Variants in APP observed in about 807,000 individuals in gnomAD.
APP encodes amyloid-beta precursor protein.
APP carries 31 observed loss-of-function variants against 101.4 expected under a neutral mutation model. The ratio of observed to expected loss-of-function variants is 0.31; its 90% CI spans 0.23 to 0.41. The LOEUF is 0.41. Ranked by LOEUF, APP falls within the 10% of genes least tolerant of loss-of-function variation. The pLI is 1.00. For synonymous variants in APP, 366 were observed against 364.4 expected (o/e 1.00, Z -0.05); for missense variants, 839 against 1,003.7 (o/e 0.84, Z 2.22).
chr21:25,898,958 AAG>A (rs1343271156), intron 15 of APP, among the ~76,000 whole-genome samples: 2 of 152,232 alleles, frequency 1.3e-5, no homozygotes, highest in Non-Finnish European at 2.9e-5. Context: ...GTGCCAGTCT[AAG>A]AGCACAGCCT....
intron 13 of APP, among the ~76,000 whole-genome samples, chr21:25,937,062 T>C (rs1207157083): frequency 1.3e-5 from 2 of 151,734 alleles, no homozygotes; most frequent in African/African-American, 2.4e-5. Flanking sequence ...GAAAAAGCTT[T>C]TCTTTTTCTT....
At chr21:26,140,682 C>A (rs1418694809) in intron 1 of APP, among the ~76,000 whole-genome samples, 3 of 152,168 alleles carry the variant, frequency 2.0e-5, no homozygotes, top group Non-Finnish European at 4.4e-5. Context: ...ACTTGTTAGG[C>A]AAGAAGATAA....
At chr21:26,122,961 T>C (rs1052477832) in intron 1 of APP, among the ~76,000 whole-genome samples, 10 of 152,240 alleles carry the variant, frequency 6.6e-5, no homozygotes, top group Admixed American at 2.0e-4. Flanking sequence ...TTCACATGGA[T>C]GTAAAGATAG....
intron 15 of APP, among the ~76,000 whole-genome samples, chr21:25,898,265 T>C (rs1455181306): frequency 3.3e-5 from 5 of 152,208 alleles, no homozygotes; most frequent in Admixed American, 6.5e-5. Flanking sequence ...TAAAGAGCTA[T>C]AGTACATAAT....
chr21:26,046,637 A>G lies in APP; in HGVS notation c.662+4363T>C, dbSNP rs117308630. On this transcript the variant is annotated intron_variant, in intron 5 of 17. Coordinates refer to ENST00000346798, the MANE Select transcript of APP (RefSeq NM_000484.4). Reference sequence around the variant, plus strand: ...CAGTGTCTGCAAACCTAAACCTAAAAGAATACATCGATAATTAAAGATTGT... The same window carrying G: ...CAGTGTCTGCAAACCTAAACCTAAAGGAATACATCGATAATTAAAGATTGT... Among the ~76,000 whole-genome samples the G allele has an allele frequency of 8.5e-5, 13 of 152,334 alleles. No individual in the cohort carries two copies. In the East Asian group the frequency reaches 2.5e-3, roughly 29 times the overall value.
chr21:25,896,433 CACAAAACAAA>C (rs377238489), intron 16 of APP, among the ~76,000 whole-genome samples: 20 of 152,002 alleles, frequency 1.3e-4, no homozygotes, highest in Non-Finnish European at 2.1e-4. Context: ...CACACACACA[CACAAAACAAA>C]ACAAAAGAAG....
chr21:25,903,296 G>A (rs1443505488), intron 15 of APP, among the ~76,000 whole-genome samples: 3 of 149,884 alleles, frequency 2.0e-5, no homozygotes, highest in Non-Finnish European at 3.0e-5. Flanking sequence ...TTGAACCCCC[G>A]AGGCAGAGGT....
At chr21:26,156,428 C>A (rs1407833964) in intron 1 of APP, among the ~76,000 whole-genome samples, 1 of 152,144 alleles carries the variant, frequency 6.6e-6, no homozygotes, top group Non-Finnish European at 1.5e-5. Context: ...TCAGGTGAGT[C>A]GAGAGTGAGT....
At chr21:26,016,410 G>A (rs535829286) in intron 6 of APP, among the ~76,000 whole-genome samples, 2 of 152,206 alleles carry the variant, frequency 1.3e-5, no homozygotes, top group South Asian at 2.1e-4. Context: ...CTATATCAAA[G>A]GTATATGCAT....
chr21:26,036,267 G>C (rs1284196550), intron 5 of APP, among the ~76,000 whole-genome samples: 2 of 148,170 alleles, frequency 1.3e-5, no homozygotes, highest in South Asian at 4.4e-4. Flanking sequence ...ACAAAGGCTA[G>C]GGTGGGGGTG....
intron 16 of APP, among the ~76,000 whole-genome samples, chr21:25,895,866 G>C (rs2038009192): frequency 6.6e-6 from 1 of 152,162 alleles, no homozygotes; most frequent in Non-Finnish European, 1.5e-5. Context: ...GTGCCTTTAA[G>C]AAAATACTGT....
chr21:25,914,929 T>G (rs1021842574), intron 13 of APP, among the ~76,000 whole-genome samples: 1 of 152,200 alleles, frequency 6.6e-6, no homozygotes, highest in African/African-American at 2.4e-5. Flanking sequence ...TCTGGTATCA[T>G]GATAACAGCA....
chr21:25,954,518 A>C, intron 13 of APP, 72 bp downstream of exon 13: 80 of 1,232,520 alleles, frequency 6.5e-5, no homozygotes, highest in Middle Eastern at 1.9e-4. Context: ...CAAACAGATA[A>C]CTCACTTCCT....
At position 25,996,141 on chromosome 21, in the gene APP, G is replaced by T. The variant is rs990311824; in HGVS notation, c.1090+1219C>A. ...AAAACCACATTTTAAAACTAAACTC[G>T]TCTGATATTACAACTGAAATAAAAA... On this transcript the variant is annotated intron_variant, in intron 8 of 17. Coordinates refer to ENST00000346798, the MANE Select transcript of APP (RefSeq NM_000484.4). 2.6e-5 allele frequency among the ~76,000 whole-genome samples: 4 copies of T among 152,202 alleles called. No homozygotes were observed. In the East Asian group the frequency reaches 7.7e-4, roughly 29 times the overall value.
intron 2 of APP, among the ~76,000 whole-genome samples, chr21:26,093,761 TTC>T (rs2061877153): frequency 1.3e-5 from 2 of 152,186 alleles, no homozygotes; most frequent in African/African-American, 4.8e-5. Flanking sequence ...GTGCTTCAGC[TTC>T]TCTCTCTATA....
chr21:26,031,529 G>A (rs2044821586), intron 5 of APP, among the ~76,000 whole-genome samples: 3 of 152,142 alleles, frequency 2.0e-5, no homozygotes, highest in Admixed American at 6.5e-5. Context: ...CATGGCGGGA[G>A]GTGAAAGGCA....
rs796360027 is a variant in APP at position 25,897,123 on chromosome 21, CTTTCT to C, written c.2064+445_2064+449del. Among the ~76,000 whole-genome samples, 345 of 151,436 alleles carry C rather than the reference CTTTCT, an allele frequency of 2.3e-3. 3 individuals are homozygous for C. The highest frequency in any genetic ancestry group is 7.8e-3 in the African/African-American group (319 of 41,078). ...TCTGAAAGAACTATACATACAGCCT[CTTTCT>C]TTTCTTTTTTTTTTTTGGGATGGAG... On this transcript the variant is annotated intron_variant, in intron 16 of 17. Transcript: ENST00000346798.
At chr21:25,985,394 A>C (rs182840222) in intron 8 of APP, among the ~76,000 whole-genome samples, 46 of 152,310 alleles carry the variant, frequency 3.0e-4, no homozygotes, top group Non-Finnish European at 5.1e-4. Flanking sequence ...CCTCCTCAAC[A>C]TGGGCAGGAA....
chr21:26,050,101 A>G (rs903934449), intron 5 of APP, among the ~76,000 whole-genome samples: 1 of 152,154 alleles, frequency 6.6e-6, no homozygotes, highest in African/African-American at 2.4e-5. Context: ...GATATAGACA[A>G]TAAACTCTAT....
Sources: allele counts gnomAD v4.1 joint callset (sites outside exome capture counted in the v4.1 genomes callset), GRCh38; gene constraint gnomAD v4.1.1; transcripts MANE v1.5; gene names NCBI Gene and HGNC (gene_info 2026-07-23, HGNC 2026-07-21).